The following KCND2 variants were observed in gnomAD, a reference collection of about 807,000 sequenced individuals.
KCND2 encodes the protein potassium voltage-gated channel subfamily D member 2.
Under a neutral mutation model 54.4 loss-of-function variants are expected in KCND2, and 16 were observed. The ratio of observed to expected loss-of-function variants is 0.29; its 90% CI spans 0.20 to 0.45. The LOEUF (loss-of-function observed/expected upper bound fraction) is 0.45, where lower values mean the gene tolerates loss of function less well. Among genes scored for constraint, KCND2 ranks in the 20% least tolerant of loss-of-function variants. The probability of loss-of-function intolerance (pLI) is 1.00; values close to 1 mark genes in which losing one functional copy is unlikely to be tolerated. For synonymous variants in KCND2, 317 were observed against 310.7 expected (o/e 1.02, Z -0.21); for missense variants, 486 against 824.2 (o/e 0.59, Z 5.02).
chr7:120,455,714 T>A (rs936872803), intron 1 of KCND2, among the ~76,000 whole-genome samples: 2 of 152,198 alleles, frequency 1.3e-5, no homozygotes, highest in African/African-American at 4.8e-5. Context: ...GTCATTATCC[T>A]TAGCAAACTA....
rs150533313 is a variant in KCND2, at chr7:120,571,538, C to T, written c.1116-161365C>T. On this transcript the variant is annotated intron_variant, in intron 1 of 5. Transcript: ENST00000331113. ...ATATCTTACCTTTCCATGCTTCTCA[C>T]GCTCTATTCTAGAAAAACGTGAAGA... is the stretch of plus-strand genomic sequence containing the variant. Among the ~76,000 whole-genome samples the T allele has an allele frequency of 5.2e-3, 798 of 152,252 alleles. 9 individuals carry two copies. The highest frequency in any genetic ancestry group is 0.018 in the African/African-American group (750 of 41,554).
chr7:120,544,205 T>G (rs527303677), intron 1 of KCND2, among the ~76,000 whole-genome samples: 1 of 152,034 alleles, frequency 6.6e-6, no homozygotes, highest in Middle Eastern at 3.4e-3. Context: ...GAGTTGAGGT[T>G]ATATGTTAAG....
At chr7:120,289,363 C>A (rs1799402109) in intron 1 of KCND2, among the ~76,000 whole-genome samples, 1 of 152,076 alleles carries the variant, frequency 6.6e-6, no homozygotes, top group Non-Finnish European at 1.5e-5. Flanking sequence ...AAGGCCACTC[C>A]ACTAAACATT....
At chr7:120,731,096 G>A (rs905433860) in intron 1 of KCND2, among the ~76,000 whole-genome samples, 1 of 152,096 alleles carries the variant, frequency 6.6e-6, no homozygotes, top group Admixed American at 6.6e-5. Flanking sequence ...CCCGCCCCAG[G>A]AGTGCACTCT....
At chr7:120,361,639 G>C (rs1306978241) in intron 1 of KCND2, among the ~76,000 whole-genome samples, 1 of 152,012 alleles carries the variant, frequency 6.6e-6, no homozygotes, top group African/African-American at 2.4e-5. Context: ...TGTGAGAAAA[G>C]GAGAAGGCCA....
At chr7:120,333,763 G>T (rs1275160183) in intron 1 of KCND2, among the ~76,000 whole-genome samples, 1 of 151,932 alleles carries the variant, frequency 6.6e-6, no homozygotes, top group East Asian at 1.9e-4. Flanking sequence ...TTGGTTCTGG[G>T]TTCAATAGAG....
chr7:120,472,186 CTTGT>C (rs905262770), intron 1 of KCND2, among the ~76,000 whole-genome samples: 3 of 151,504 alleles, frequency 2.0e-5, no homozygotes, highest in African/African-American at 7.3e-5. Context: ...CTTCCTGAAT[CTTGT>C]TTTTTTCTTT....
chr7:120,708,747 AT>A (rs1298684427), intron 1 of KCND2, among the ~76,000 whole-genome samples: 2 of 152,040 alleles, frequency 1.3e-5, no homozygotes, highest in Non-Finnish European at 2.9e-5. Flanking sequence ...AAATAAATAA[AT>A]TTAATACCCT....
chr7:120,621,786 A>C (rs2116501337), intron 1 of KCND2, among the ~76,000 whole-genome samples: 1 of 152,296 alleles, frequency 6.6e-6, no homozygotes, highest in Middle Eastern at 3.4e-3. Context: ...GTGAGAAGAA[A>C]ACAAGATTAA....
chr7:120,397,055 C>G (rs1012580079), intron 1 of KCND2, among the ~76,000 whole-genome samples: 1 of 151,916 alleles, frequency 6.6e-6, no homozygotes, highest in Admixed American at 6.6e-5. Context: ...TTTATCTACA[C>G]GATCCTAGGA....
intron 1 of KCND2, among the ~76,000 whole-genome samples, chr7:120,530,813 G>A (rs568562657): frequency 5.9e-5 from 9 of 151,932 alleles, no homozygotes; most frequent in East Asian, 5.8e-4. Context: ...CCTGCAATTC[G>A]TTGACACTAC....
At chr7:120,306,343 A>G (rs1483061791) in intron 1 of KCND2, among the ~76,000 whole-genome samples, 1 of 152,028 alleles carries the variant, frequency 6.6e-6, no homozygotes, top group Admixed American at 6.6e-5. Flanking sequence ...TTTAAAACTG[A>G]TATTTTTGAA....
intron 1 of KCND2, among the ~76,000 whole-genome samples, chr7:120,569,338 A>T (rs1329548352): frequency 6.6e-6 from 1 of 152,162 alleles, no homozygotes; most frequent in Non-Finnish European, 1.5e-5. Flanking sequence ...ATGGTTAATC[A>T]TTGCCTCTGA....
chr7:120,302,666 A>G (rs1244724765), intron 1 of KCND2, among the ~76,000 whole-genome samples: 2 of 152,220 alleles, frequency 1.3e-5, no homozygotes, highest in African/African-American at 4.8e-5. Flanking sequence ...AGAGTGATAT[A>G]CAAACAACTT....
At chr7:120,364,819 T>G (rs1233886122) in intron 1 of KCND2, among the ~76,000 whole-genome samples, 2 of 152,060 alleles carry the variant, frequency 1.3e-5, no homozygotes, top group African/African-American at 4.8e-5. Context: ...GGATGGGGGT[T>G]TCTTGCCCGT....
At chr7:120,293,108 A>G (rs548520493) in intron 1 of KCND2, among the ~76,000 whole-genome samples, 19 of 152,126 alleles carry the variant, frequency 1.2e-4, no homozygotes, top group Non-Finnish European at 2.5e-4. Context: ...ATAGTTGAGA[A>G]TAAACTCTAC....
chr7:120,336,295 A>AT (rs905294371), intron 1 of KCND2, among the ~76,000 whole-genome samples: 4 of 152,142 alleles, frequency 2.6e-5, no homozygotes, highest in African/African-American at 9.6e-5. Flanking sequence ...TAAATTTGGG[A>AT]TTTTCTGAAG....
intron 1 of KCND2, among the ~76,000 whole-genome samples, chr7:120,342,131 A>G (rs1800248591): frequency 6.6e-6 from 1 of 152,170 alleles, no homozygotes; most frequent in Non-Finnish European, 1.5e-5. Context: ...ACATGGATGA[A>G]AATCTTCGGA....
intron 1 of KCND2, among the ~76,000 whole-genome samples, chr7:120,512,970 A>G (rs1186818591): frequency 6.6e-6 from 1 of 151,376 alleles, no homozygotes; most frequent in Non-Finnish European, 1.5e-5. Context: ...AATTTTTTCT[A>G]TTTTTAGTAG....
Sources: allele counts gnomAD v4.1 joint callset (sites outside exome capture counted in the v4.1 genomes callset), GRCh38; gene constraint gnomAD v4.1.1; transcripts MANE v1.5; gene names NCBI Gene and HGNC (gene_info 2026-07-23, HGNC 2026-07-21).